ACACB: variants seen among roughly 807,000 people sequenced by gnomAD.
ACACB encodes the protein acetyl-CoA carboxylase 2.
Under a neutral mutation model 278.8 loss-of-function variants are expected in ACACB, and 209 were observed. The ratio of observed to expected loss-of-function variants is 0.75; its 90% CI spans 0.67 to 0.84. The LOEUF (loss-of-function observed/expected upper bound fraction) is 0.84, where lower values mean the gene tolerates loss of function less well. Among genes scored for constraint, ACACB ranks in the 40% least tolerant of loss-of-function variants. The pLI is 0.00. For missense variants in ACACB, 2,850 were observed against 3,269.0 expected (o/e 0.87, Z 3.13); for synonymous variants, 1,174 against 1,285.6 (o/e 0.91, Z 1.86).
chr12:109,238,342 ATT>A (rs750967305), intron 34 of ACACB, among the ~76,000 whole-genome samples: 15 of 133,716 alleles, frequency 1.1e-4, no homozygotes, highest in African/African-American at 1.7e-4. Context: ...ACCGTGTATA[ATT>A]TTTTTTTTTT....
At chr12:109,162,852 T>C (rs968609948) in intron 2 of ACACB, among the ~76,000 whole-genome samples, 1 of 152,168 alleles carries the variant, frequency 6.6e-6, no homozygotes, top group African/African-American at 2.4e-5. Context: ...CACCACAGTC[T>C]CAGAAATTCT....
In ACACB at chr12:109,179,170, C is replaced by T. The variant is rs2044376478; in HGVS notation, c.1520C>T (p.Ala507Val). ...CGTCACCTGGAAGTTCAGATCCTCG[C>T]TGACCAGTATGGGAATGCTGTGTCT... ...HARHLEVQIL[A>V]DQYGNAVSLF... Residue 507 changes from alanine (A) to valine (V), a missense_variant, in exon 10 of 53, where the codon GCT becomes GTT. By Grantham distance (64) the Ala-to-Val change is moderately conservative. Coordinates refer to ENST00000338432, the MANE Select transcript of ACACB (RefSeq NM_001093.4). 1 of 1,614,046 alleles carries T rather than the reference C, an allele frequency of 6.2e-7. No individual in the cohort carries two copies. The highest frequency in any genetic ancestry group is 8.5e-7 in the Non-Finnish European group (1 of 1,180,024).
chr12:109,147,642 T>C (rs2043276185), intron 2 of ACACB, among the ~76,000 whole-genome samples: 1 of 152,150 alleles, frequency 6.6e-6, no homozygotes, highest in Non-Finnish European at 1.5e-5. Flanking sequence ...GCCATAGTTA[T>C]AGTGGTCTCT....
At chr12:109,118,411 T>A (rs2135928431) in intron 1 of ACACB, among the ~76,000 whole-genome samples, 1 of 147,074 alleles carries the variant, frequency 6.8e-6, no homozygotes, top group Non-Finnish European at 1.5e-5. Flanking sequence ...TTGACCTTGT[T>A]CTTTTTTTTT....
intron 19 of ACACB, among the ~76,000 whole-genome samples, chr12:109,203,636 C>T (rs1420430730): frequency 2.0e-5 from 3 of 152,216 alleles, no homozygotes; most frequent in South Asian, 2.1e-4. Context: ...GTTGGATGAA[C>T]GTGTAGCAGG....
rs869303420 is a variant in ACACB, at chr12:109,166,649, C to CAAAAAAAAAA, written c.654-193_654-184dup. ...TAGGTGACAGAATGAGATCCCGTCT[C>CAAAAAAAAAA]AAAAAAAAAAAAAAAAAAAAAAAAA... On this transcript the variant is annotated intron_variant, in intron 2 of 52. Coordinates refer to ENST00000338432, the MANE Select transcript of ACACB (RefSeq NM_001093.4). Among the ~76,000 whole-genome samples, 162 of 25,076 alleles carry CAAAAAAAAAA rather than the reference C, an allele frequency of 6.5e-3. 46 individuals carry two copies. Among genetic ancestry groups the CAAAAAAAAAA allele is most frequent in the Non-Finnish European group, 8.2e-3 (128 of 15,560 alleles). The allele number at this position is 25,076 out of a possible 152,430, so 16.5% of individuals were successfully genotyped here. A position where few individuals can be genotyped will look rare whatever the true frequency, so the allele number is the denominator to read the frequency against.
At position 109,260,584 on chromosome 12, in the gene ACACB, G is replaced by C. The variant is rs754391562; in HGVS notation, c.6601G>C (p.Gly2201Arg). Residue 2201 changes from glycine (G) to arginine (R), a missense_variant, in exon 48 of 53, where the codon GGA (glycine) becomes CGA (arginine). By Grantham distance (125) the Gly-to-Arg change is moderately radical. Transcript: ENST00000338432. Reference sequence around the variant, plus strand: ...TATCCCGCCCTATGCGGAGCTCCGGGGAGGCTCCTGGGTGGTCATAGATGC... The same window carrying C: ...TATCCCGCCCTATGCGGAGCTCCGGCGAGGCTCCTGGGTGGTCATAGATGC... Reference protein sequence around the residue: ...IYIPPYAELRGGSWVVIDATI... With the variant: ...IYIPPYAELRRGSWVVIDATI... 4 of 1,613,324 alleles carry C rather than the reference G, an allele frequency of 2.5e-6. No homozygotes were observed. The highest frequency in any genetic ancestry group is 2.5e-6 in the Non-Finnish European group (3 of 1,179,676).
rs2075260 is a variant in ACACB at position 109,259,033 on chromosome 12, G to A, written c.6421G>A (p.Val2141Ile). ...PDSAYKTAQA[V>I]KDFNREKLPL... ...CTCAGCCTACAAAACCGCCCAGGCC[G>A]TCAAGGACTTCAACCGGGAGAAGTT... The change falls in exon 47 of 53, where the codon GTC (valine) becomes ATC (isoleucine). Residue 2141 changes from valine (V) to isoleucine (I), a missense_variant. Transcript: ENST00000338432. 1,294,267 of 1,613,858 alleles carry A rather than the reference G, an allele frequency of 0.8. 520,681 individuals carry two copies. Among genetic ancestry groups the A allele is most frequent in the Admixed American group, 0.87 (52,227 of 60,010 alleles).
Position 109,147,222 on chromosome 12 carries a change from TTTTG to T in ACACB, c.653+7188_653+7191del, listed in dbSNP as rs199885303. The stretch of plus-strand genomic sequence containing the variant: ...AATTATTTCTTGAGATTATGTCTGT[TTTTG>T]TTTGTTTGTTTGTTTGTTTGTTTTG... On this transcript the variant is annotated intron_variant, in intron 2 of 52. Coordinates refer to ENST00000338432, the MANE Select transcript of ACACB (RefSeq NM_001093.4). Among the ~76,000 whole-genome samples the T allele has an allele frequency of 2.6e-3, 400 of 151,866 alleles. 3 individuals carry two copies. The highest frequency in any genetic ancestry group is 8.0e-3 in the African/African-American group (330 of 41,410).
At chr12:109,196,477 G>A (rs990654731) in intron 16 of ACACB, among the ~76,000 whole-genome samples, 2 of 152,120 alleles carry the variant, frequency 1.3e-5, no homozygotes, top group African/African-American at 4.8e-5. Flanking sequence ...GTCAGAAATG[G>A]GCCACAGAGC....
chr12:109,254,372 G>A (rs766814438), intron 44 of ACACB, 38 bp downstream of exon 44: 1 of 1,572,918 alleles, frequency 6.4e-7, no homozygotes, highest in Non-Finnish European at 8.6e-7. Flanking sequence ...CCTGGTCTCG[G>A]GTTTCTTTCT....
At chr12:109,257,330 A>G (rs1314534484) in intron 45 of ACACB, among the ~76,000 whole-genome samples, 3 of 152,114 alleles carry the variant, frequency 2.0e-5, no homozygotes, top group Admixed American at 6.5e-5. Flanking sequence ...AAAAAAAAAA[A>G]AATCCACTCC....
At chr12:109,153,081 G>A (rs1284173005) in intron 2 of ACACB, among the ~76,000 whole-genome samples, 1 of 152,098 alleles carries the variant, frequency 6.6e-6, no homozygotes, top group Non-Finnish European at 1.5e-5. Context: ...CTGCCTCGTG[G>A]GTTCAAGTGA....
intron 1 of ACACB, among the ~76,000 whole-genome samples, chr12:109,135,872 C>G (rs1411792171): frequency 7.0e-6 from 1 of 143,390 alleles, no homozygotes; most frequent in African/African-American, 2.6e-5. Flanking sequence ...TGCAGTGGTG[C>G]GATCTCGGCT....
intron 22 of ACACB, among the ~76,000 whole-genome samples, chr12:109,214,518 T>C (rs1055032651): frequency 6.6e-6 from 1 of 152,216 alleles, no homozygotes; most frequent in African/African-American, 2.4e-5. Flanking sequence ...GCCCATCCTT[T>C]AAGCTTCAGA....
At chr12:109,128,288 A>C (rs557734601) in intron 1 of ACACB, among the ~76,000 whole-genome samples, 22 of 152,200 alleles carry the variant, frequency 1.4e-4, no homozygotes, top group African/African-American at 4.8e-4. Context: ...AGCTGGGATT[A>C]CTGCTGCCTG....
chr12:109,186,670 G>T (rs1323176370), intron 12 of ACACB, among the ~76,000 whole-genome samples: 1 of 152,062 alleles, frequency 6.6e-6, no homozygotes, highest in Non-Finnish European at 1.5e-5. Flanking sequence ...GGAAACTGGG[G>T]GTAAGAGAGG....
At chr12:109,174,467 A>G (rs1022731396) in intron 7 of ACACB, among the ~76,000 whole-genome samples, 9 of 152,084 alleles carry the variant, frequency 5.9e-5, no homozygotes, top group African/African-American at 2.2e-4. Flanking sequence ...GAAATCATTC[A>G]TAATCCTATG....
chr12:109,205,881 G>A (rs748320832), intron 19 of ACACB, among the ~76,000 whole-genome samples: 23 of 152,248 alleles, frequency 1.5e-4, no homozygotes, highest in Non-Finnish European at 2.2e-4. Context: ...AGCACTGTGC[G>A]TCATGCACAG....
Sources: gnomAD v4.1 joint callset for allele counts (sites outside exome capture counted in the v4.1 genomes callset) on GRCh38, gnomAD v4.1.1 for gene constraint, MANE v1.5 for transcripts, NCBI Gene and HGNC (gene_info 2026-07-23, HGNC 2026-07-21) for gene names.